The following LPIN1 variants were observed in gnomAD, a reference collection of about 807,000 sequenced individuals.
The protein encoded by LPIN1 is lipin 1.
Under a neutral mutation model 107.5 loss-of-function variants are expected in LPIN1, and 71 were observed. The observed-to-expected ratio is 0.66, with a 90% CI of 0.55 to 0.80. The LOEUF (loss-of-function observed/expected upper bound fraction) is 0.80. LPIN1 is among the 30% of genes least tolerant of loss of function. The pLI is 0.00. For synonymous variants in LPIN1, 445 were observed against 452.6 expected (o/e 0.98, Z 0.21); for missense variants, 1,043 against 1,160.6 (o/e 0.90, Z 1.47).
At chr2:11,766,304 G>C (rs917704278) in intron 2 of LPIN1, among the ~76,000 whole-genome samples, 14 of 152,162 alleles carry the variant, frequency 9.2e-5, no homozygotes, top group Admixed American at 2.0e-4. Context: ...ATCACAAGCT[G>C]CCTGGGCTCA....
chr2:11,703,857 G>A (rs1663003910), intron 1 of LPIN1, among the ~76,000 whole-genome samples: 1 of 152,196 alleles, frequency 6.6e-6, no homozygotes. Context: ...GATTTAATGG[G>A]TCAGGAATCT....
intron 1 of LPIN1, among the ~76,000 whole-genome samples, chr2:11,678,021 A>C (rs2148495939): frequency 6.6e-6 from 1 of 152,336 alleles, no homozygotes; most frequent in East Asian, 1.9e-4. Flanking sequence ...AATCTTCAAA[A>C]TGGGACTTCA....
intron 2 of LPIN1, among the ~76,000 whole-genome samples, chr2:11,718,048 C>T (rs995929235): frequency 1.3e-5 from 2 of 152,186 alleles, no homozygotes; most frequent in South Asian, 2.1e-4. Flanking sequence ...CAGGACCTCT[C>T]TCCAGGAGAT....
intron 3 of LPIN1, among the ~76,000 whole-genome samples, chr2:11,770,887 G>A (rs1379428911): frequency 6.6e-6 from 1 of 151,968 alleles, no homozygotes; most frequent in Non-Finnish European, 1.5e-5. Flanking sequence ...CGTGTTTTTG[G>A]TTTTTAGATG....
intron 17 of LPIN1, among the ~76,000 whole-genome samples, chr2:11,812,111 A>G (rs1397002014): frequency 6.6e-6 from 1 of 152,276 alleles, no homozygotes; most frequent in Admixed American, 6.5e-5. Flanking sequence ...GTTTTAAAGA[A>G]CATGTTATTG....
At position 11,782,514 on chromosome 2, in the gene LPIN1, A is replaced by G; in HGVS notation, c.1264+7A>G. 1 of 1,613,886 alleles carries G rather than the reference A, an allele frequency of 6.2e-7. No homozygotes were observed. On this transcript the variant is annotated splice_region_variant and intron_variant, in intron 8 of 20. Transcript: ENST00000674199. ...TCTCCTTCCAGGAAAAGAGGTACCA[A>G]GGCTGGGGCTTCCCGGCTCTTTTTC...
intron 1 of LPIN1, among the ~76,000 whole-genome samples, chr2:11,703,015 GT>G (rs1372126378): frequency 2.0e-5 from 3 of 152,206 alleles, no homozygotes; most frequent in Admixed American, 2.0e-4. Context: ...TCCAAAATGA[GT>G]TACCTGACAT....
chr2:11,805,464 G>A, intron 17 of LPIN1: 1 of 495,224 alleles, frequency 2.0e-6, no homozygotes. Flanking sequence ...AGGGATGGCA[G>A]AGGTAGCCAG....
At chr2:11,814,129 G>A (rs1299422346) in intron 17 of LPIN1, among the ~76,000 whole-genome samples, 1 of 152,108 alleles carries the variant, frequency 6.6e-6, no homozygotes, top group Non-Finnish European at 1.5e-5. Flanking sequence ...GCTGATGGGA[G>A]CAGGCGAGCT....
chr2:11,759,145 CTTTCTT>C (rs1553418444), intron 1 of LPIN1, among the ~76,000 whole-genome samples: 1 of 130,060 alleles, frequency 7.7e-6, no homozygotes, highest in African/African-American at 3.1e-5. Context: ...TTCTTTCTTT[CTTTCTT>C]TCTTTCTTTC....
chr2:11,750,638 T>A (rs10207506), intron 1 of LPIN1, among the ~76,000 whole-genome samples: 1 of 152,192 alleles, frequency 6.6e-6, no homozygotes, highest in African/African-American at 2.4e-5. Context: ...ACAACAGTCC[T>A]ATGAGGTGGC....
chr2:11,812,578 C>T (rs150246219), intron 17 of LPIN1, among the ~76,000 whole-genome samples: 99 of 152,170 alleles, frequency 6.5e-4, no homozygotes, highest in Middle Eastern at 6.8e-3. Flanking sequence ...CAAGTGCCAG[C>T]GCAGATGAGC....
chr2:11,718,839 C>T (rs761976214), intron 2 of LPIN1, among the ~76,000 whole-genome samples: 1 of 152,184 alleles, frequency 6.6e-6, no homozygotes, highest in Non-Finnish European at 1.5e-5. Context: ...GGACAATTCC[C>T]TTCTCCTCTA....
chr2:11,763,000 G>T (rs1015407639), intron 1 of LPIN1: 2 of 152,332 alleles, frequency 1.3e-5, no homozygotes, highest in African/African-American at 4.8e-5. Context: ...GTTACGTCAT[G>T]CAAATCCTTC....
intron 1 of LPIN1, among the ~76,000 whole-genome samples, chr2:11,749,073 AC>A (rs1343700159): frequency 6.6e-6 from 1 of 152,024 alleles, no homozygotes; most frequent in East Asian, 1.9e-4. Flanking sequence ...ACTTTATTGA[AC>A]CCTGGACCAA....
chr2:11,711,446 A>G (rs1443755616), intron 1 of LPIN1, among the ~76,000 whole-genome samples: 1 of 152,156 alleles, frequency 6.6e-6, no homozygotes, highest in Non-Finnish European at 1.5e-5. Flanking sequence ...TATAACACAC[A>G]TCTGCCTTCT....
intron 18 of LPIN1, chr2:11,818,717 A>AT (rs2148730068): frequency 6.6e-6 from 1 of 152,126 alleles, no homozygotes; most frequent in African/African-American, 2.4e-5. Context: ...GTGAATTGCC[A>AT]TGATGATACA....
intron 12 of LPIN1, among the ~76,000 whole-genome samples, chr2:11,789,865 T>G: frequency 1.3e-5 from 2 of 152,270 alleles, no homozygotes; most frequent in Non-Finnish European, 2.9e-5. Context: ...TTAGTCCTTG[T>G]GATATGCATG....
At chr2:11,723,697 C>G, upstream of LPIN1, 1 of 152,098 alleles carries the variant, frequency 6.6e-6, no homozygotes, top group African/African-American at 2.4e-5. Context: ...AGGGATGTTC[C>G]TTGCTGTTCC....
Sources: allele counts gnomAD v4.1 joint callset (sites outside exome capture counted in the v4.1 genomes callset), GRCh38; gene constraint gnomAD v4.1.1; transcripts MANE v1.5; gene names NCBI Gene and HGNC (gene_info 2026-07-23, HGNC 2026-07-21).